Variants in PTPRN2 observed in about 807,000 individuals in gnomAD.
PTPRN2 encodes protein tyrosine phosphatase receptor type N2, also known as receptor-type tyrosine-protein phosphatase N2.
In PTPRN2, 74 loss-of-function variants were observed where a neutral mutation model predicts 118.8. The ratio of observed to expected loss-of-function variants is 0.62; its 90% CI spans 0.52 to 0.76. The LOEUF (loss-of-function observed/expected upper bound fraction) is 0.76. PTPRN2 is among the 30% of genes least tolerant of loss of function. PTPRN2 has a pLI of 0.00. For missense variants in PTPRN2, 1,481 were observed against 1,394.4 expected, an observed-to-expected ratio of 1.06 and a Z score of -0.99; for synonymous variants, 641 against 608.0, an observed-to-expected ratio of 1.05 and a Z score of -0.80.
chr7:157,952,470 G>GGACAC (rs1263542090), intron 11 of PTPRN2, among the ~76,000 whole-genome samples: 3 of 125,630 alleles, frequency 2.4e-5, no homozygotes, highest in Non-Finnish European at 3.9e-5. Context: ...ACGGGGTGGG[G>GGACAC]GACACAGGGA....
rs375374104 is a variant in PTPRN2 at position 157,839,000 on chromosome 7, G to A, written c.1788+59673C>T. The stretch of plus-strand genomic sequence containing the variant: ...GCATGGGAGAAAGCTCCTCTCCACC[G>A]TGGCTACTCCAGTTCCTCTCGTAGT... On this transcript the variant is annotated intron_variant, in intron 12 of 22. Transcript: ENST00000389418. Among the ~76,000 whole-genome samples the A allele has an allele frequency of 1.6e-4, 24 of 149,230 alleles. No individual in the cohort carries two copies. In the East Asian group the frequency reaches 3.9e-3, roughly 24 times the overall value.
intron 9 of PTPRN2, among the ~76,000 whole-genome samples, chr7:158,130,655 C>G (rs1056645456): frequency 4.1e-5 from 6 of 147,852 alleles, no homozygotes; most frequent in Middle Eastern, 3.5e-3. Context: ...TACACATCTA[C>G]CTGACTCATA....
intron 2 of PTPRN2, among the ~76,000 whole-genome samples, chr7:158,336,327 T>A (rs1380338597): frequency 2.1e-5 from 3 of 141,852 alleles, no homozygotes; most frequent in Non-Finnish European, 3.1e-5. Flanking sequence ...CCATAAGAGG[T>A]GACACCTGCA....
At chr7:158,441,444 GGTGGCA>G (rs1172268730) in intron 2 of PTPRN2, among the ~76,000 whole-genome samples, 1 of 147,734 alleles carries the variant, frequency 6.8e-6, no homozygotes, top group Non-Finnish European at 1.5e-5. Flanking sequence ...TGATGGCAGT[GGTGGCA>G]GTGGTGGTGA....
At position 157,845,670 on chromosome 7, in the gene PTPRN2, C is replaced by T. The variant is rs1294415712; in HGVS notation, c.1788+53003G>A. Among the ~76,000 whole-genome samples, 2 of 152,162 alleles carry T rather than the reference C, an allele frequency of 1.3e-5. No individual in the cohort carries two copies. Among genetic ancestry groups the T allele is most frequent in the African/African-American group, 4.8e-5 (2 of 41,434 alleles). On this transcript the variant is annotated intron_variant, in intron 12 of 22. Coordinates refer to ENST00000389418, the MANE Select transcript of PTPRN2 (RefSeq NM_002847.5). The surrounding 1 kb of genome is among the most constrained non-coding windows in gnomAD (Gnocchi z 4.5). ...CACTGTGCGGCACAGAACCTCCCCG[C>T]GGGGCAGGTGGGTGCACAGGAAAGA...
chr7:158,167,234 T>C lies in PTPRN2; in HGVS notation c.607A>G (p.Thr203Ala). 1 of 1,612,676 alleles carries C rather than the reference T, an allele frequency of 6.2e-7. No individual in the cohort carries two copies. The highest frequency in any genetic ancestry group is 8.5e-7 in the Non-Finnish European group (1 of 1,179,636). Residue 203 changes from threonine to alanine, a missense_variant, in exon 6 of 23, where the codon ACC becomes GCC. Thr to Ala is a moderately conservative substitution (Grantham distance 58). Transcript: ENST00000389418. ...LTYVAHTSAL[T>A]YPPGSRTQLR... is the part of the protein sequence containing the mutation. ...TGGGTCCGGGACCCGGGAGGGTAGG[T>C]CAGCGCAGACGTGTGGGCCACATAG...
At chr7:158,021,587 G>A (rs947612016) in intron 11 of PTPRN2, among the ~76,000 whole-genome samples, 2 of 151,820 alleles carry the variant, frequency 1.3e-5, no homozygotes, top group African/African-American at 4.8e-5. Flanking sequence ...GCACTGTGAG[G>A]ACACAGCCAG....
intron 12 of PTPRN2, among the ~76,000 whole-genome samples, chr7:157,862,259 C>T (rs1008828963): frequency 1.3e-5 from 2 of 152,266 alleles, no homozygotes; most frequent in African/African-American, 4.8e-5. Context: ...CCATTCTGAG[C>T]TGCCGAGGTC....
intron 11 of PTPRN2, among the ~76,000 whole-genome samples, chr7:158,019,991 A>G (rs1490235098): frequency 6.6e-6 from 1 of 151,918 alleles, no homozygotes; most frequent in East Asian, 1.9e-4. Flanking sequence ...CCTGCTCCAA[A>G]CCACACCGGC....
rs1796137021 is a variant in PTPRN2, at chr7:157,881,645, G to A, written c.1788+17028C>T. 6.6e-6 allele frequency among the ~76,000 whole-genome samples: 1 copy of A among 152,080 alleles called. No individual in the cohort carries two copies. The highest frequency in any genetic ancestry group is 2.4e-5 in the African/African-American group (1 of 41,400). On this transcript the variant is annotated intron_variant, in intron 12 of 22. Transcript: ENST00000389418. This position sits in a 1 kb window ranked among gnomAD's most constrained non-coding sequence, Gnocchi z 4.7. ...GGGATGCGTCTCTGCCTACGAGAAAGGAGAGGATTTCCTGTTTTCGTGGAA... is the reference window on the plus strand; with the variant it reads ...GGGATGCGTCTCTGCCTACGAGAAAAGAGAGGATTTCCTGTTTTCGTGGAA...
intron 11 of PTPRN2, among the ~76,000 whole-genome samples, chr7:158,009,932 G>T (rs953654787): frequency 6.6e-6 from 1 of 152,026 alleles, no homozygotes; most frequent in Non-Finnish European, 1.5e-5. Context: ...ATGCCATCCT[G>T]CCCCACCATG....
At chr7:158,146,094 A>C (rs1351426539) in intron 6 of PTPRN2, among the ~76,000 whole-genome samples, 2 of 152,132 alleles carry the variant, frequency 1.3e-5, no homozygotes, top group Non-Finnish European at 2.9e-5. Context: ...GAAAACAAAT[A>C]CTTGGTTCTC....
At chr7:157,835,556 T>C (rs1042468863) in intron 12 of PTPRN2, among the ~76,000 whole-genome samples, 69 of 152,260 alleles carry the variant, frequency 4.5e-4, no homozygotes, top group African/African-American at 1.5e-3. Flanking sequence ...GGGGAGAGTT[T>C]GCAAGAAGAA....
At chr7:158,476,723 C>T (rs558510615) in intron 2 of PTPRN2, among the ~76,000 whole-genome samples, 3 of 152,364 alleles carry the variant, frequency 2.0e-5, no homozygotes, top group South Asian at 4.1e-4. Flanking sequence ...AAAACGAGGG[C>T]GTCCTTAGCG....
At chr7:157,694,339 T>A (rs1797666824) in intron 12 of PTPRN2, among the ~76,000 whole-genome samples, 1 of 152,180 alleles carries the variant, frequency 6.6e-6, no homozygotes, top group Admixed American at 6.5e-5. Flanking sequence ...GTCCACGCCT[T>A]GGTGCACCTG....
In PTPRN2 at chr7:157,779,736, C is replaced by T. The variant is rs906181005; in HGVS notation, c.1789-96799G>A. 5.3e-5 allele frequency among the ~76,000 whole-genome samples: 8 copies of T among 152,152 alleles called. No individual in the cohort carries two copies. Among genetic ancestry groups the T allele is most frequent in the African/African-American group, 1.9e-4 (8 of 41,416 alleles). On this transcript the variant is annotated intron_variant, in intron 12 of 22. Coordinates refer to ENST00000389418, the MANE Select transcript of PTPRN2 (RefSeq NM_002847.5). This position sits in a 1 kb window ranked among gnomAD's most constrained non-coding sequence, Gnocchi z 4.7. ...AGGGGTCCTGAGGGTCTGGGGAAGG[C>T]GCTGTGGCCTGAATGCTCACCCTAT...
chr7:158,181,819 T>C (rs1345040177), intron 5 of PTPRN2, among the ~76,000 whole-genome samples: 1 of 152,240 alleles, frequency 6.6e-6, no homozygotes, highest in Non-Finnish European at 1.5e-5. Flanking sequence ...CATTTCTTGA[T>C]TAATCTAGCT....
At chr7:157,546,533 G>A (rs924711479) in intron 22 of PTPRN2, among the ~76,000 whole-genome samples, 1 of 152,188 alleles carries the variant, frequency 6.6e-6, no homozygotes, top group African/African-American at 2.4e-5. Flanking sequence ...GCAGTGTTTG[G>A]TTTTCTGTTC....
chr7:158,357,593 C>T (rs1289699727), intron 2 of PTPRN2, among the ~76,000 whole-genome samples: 1 of 152,240 alleles, frequency 6.6e-6, no homozygotes, highest in Admixed American at 6.5e-5. Flanking sequence ...ACACAGGCAC[C>T]GTCAGCTGCG....
Sources: allele counts gnomAD v4.1 joint callset (sites outside exome capture counted in the v4.1 genomes callset), GRCh38; gene constraint gnomAD v4.1.1; non-coding constraint Gnocchi (gnomAD v3.1); transcripts MANE v1.5; gene names NCBI Gene and HGNC (gene_info 2026-07-23, HGNC 2026-07-21).